The following PON3 variants were observed in gnomAD, a reference collection of about 807,000 sequenced individuals.
PON3 encodes the protein paraoxonase 3.
A neutral mutation model predicts 36.3 loss-of-function variants in PON3; 37 were observed. The ratio of observed to expected loss-of-function variants is 1.02; its 90% CI spans 0.78 to 1.34. The LOEUF is 1.34. Among genes scored for constraint, PON3 ranks in the 40% most tolerant of loss-of-function variants. The pLI, the probability that PON3 is intolerant of heterozygous loss-of-function variation, is 0.00. For synonymous variants in PON3, 155 were observed against 154.8 expected (o/e 1.00, Z -0.01); for missense variants, 415 against 426.5 (o/e 0.97, Z 0.24).
intron 6 of PON3, 48 bp downstream of exon 6, chr7:95,363,815 A>C: frequency 6.4e-7 from 1 of 1,555,716 alleles, no homozygotes; most frequent in Non-Finnish European, 8.9e-7. Flanking sequence ...AAAGGAGTCC[A>C]CGAAAATGTC....
chr7:95,396,314 C>A lies in PON3; in HGVS notation c.37G>T (p.Gly13Cys). Residue 13 changes from glycine (G) to cysteine (C), a missense_variant, in exon 1 of 9, where the codon GGC becomes TGC. Physicochemically the swap from Gly to Cys is radical, Grantham distance 159. Transcript: ENST00000265627. ...AACATCTCCCCGACTAAGGACAGGC[C>A]GACCCCCAGCAGGACCAGCGCCACG... ...KLVALVLLGV[G>C]LSLVGEMFLA... 3.7e-6 allele frequency: 6 copies of A among 1,613,976 alleles called. No homozygotes were observed. The highest frequency in any genetic ancestry group is 5.1e-6 in the Non-Finnish European group (6 of 1,179,974).
chr7:95,392,262 G>A (rs1169720213), intron 2 of PON3, among the ~76,000 whole-genome samples: 1 of 152,122 alleles, frequency 6.6e-6, no homozygotes, highest in Non-Finnish European at 1.5e-5. Flanking sequence ...GAAGTAACAT[G>A]GCATTTCTTT....
intron 8 of PON3, among the ~76,000 whole-genome samples, chr7:95,361,262 T>TA (rs1005546642): frequency 6.6e-6 from 1 of 152,018 alleles, no homozygotes; most frequent in Admixed American, 6.6e-5. Flanking sequence ...AATACATTAA[T>TA]AAAAAAAGAA....
intron 3 of PON3, among the ~76,000 whole-genome samples, chr7:95,376,630 T>C (rs1436527529): frequency 1.3e-5 from 2 of 150,184 alleles, no homozygotes; most frequent in African/African-American, 2.5e-5. Flanking sequence ...GAACTTTTAG[T>C]TCCAGTGAAA....
intron 4 of PON3, among the ~76,000 whole-genome samples, chr7:95,368,814 C>CA (rs11388951): frequency 0.48 from 64,252 of 132,954 alleles, 14,916 homozygotes; most frequent in East Asian, 0.69. Context: ...CAAAAACAAA[C>CA]AAAAAAAAAA....
rs1461161656 is a variant in PON3 at position 95,367,248 on chromosome 7, A to AAAATCAAAACAATTTC, written c.494+98_494+113dup. On this transcript the variant is annotated intron_variant, in intron 5 of 8. Coordinates refer to ENST00000265627, the MANE Select transcript of PON3 (RefSeq NM_000940.3). Reference sequence around the variant, plus strand: ...GGGAATCATTAGAAAGCTTTAGAAAAAAATCAAAACAATTTCAAAACAAAA... The same window carrying AAAATCAAAACAATTTC: ...GGGAATCATTAGAAAGCTTTAGAAAAAAATCAAAACAATTTCAAATCAAAACAATTTCAAAACAAAA... 7 of 1,362,824 alleles carry AAAATCAAAACAATTTC rather than the reference A, an allele frequency of 5.1e-6. 1 individual carries two copies. The African/African-American group carries it at 1.0e-4, about 20-fold the overall frequency. 84.4% of individuals were successfully genotyped at this position (1,362,824 alleles called of 1,614,324 possible).
At chr7:95,389,282 G>A (rs1809266611) in intron 3 of PON3, among the ~76,000 whole-genome samples, 1 of 152,112 alleles carries the variant, frequency 6.6e-6, no homozygotes. Context: ...CTATTCTACT[G>A]TGTGTACTTA....
chr7:95,386,085 A>G (rs1463276782), intron 3 of PON3, among the ~76,000 whole-genome samples: 1 of 152,234 alleles, frequency 6.6e-6, no homozygotes, highest in Non-Finnish European at 1.5e-5. Context: ...CAGAAGCAAG[A>G]GCAAACAAAT....
At chr7:95,368,995 T>TA (rs1808755313) in intron 4 of PON3, among the ~76,000 whole-genome samples, 1 of 152,172 alleles carries the variant, frequency 6.6e-6, no homozygotes, top group Admixed American at 6.5e-5. Flanking sequence ...ATTATTTAAA[T>TA]AGAGTCCTAA....
intron 1 of PON3, chr7:95,396,047 A>G (rs1424808561): frequency 1.7e-6 from 1 of 586,824 alleles, no homozygotes; most frequent in Non-Finnish European, 3.1e-6. Flanking sequence ...GGGGATCATA[A>G]CCTTCAAAAA....
chr7:95,389,901 C>T (rs1396011244), intron 3 of PON3, among the ~76,000 whole-genome samples: 3 of 152,166 alleles, frequency 2.0e-5, no homozygotes, highest in African/African-American at 7.2e-5. Context: ...GAAATCAATA[C>T]ACATTTATCA....
chr7:95,384,068 A>T (rs1263997369), intron 3 of PON3, among the ~76,000 whole-genome samples: 2 of 152,186 alleles, frequency 1.3e-5, no homozygotes, highest in African/African-American at 4.8e-5. Flanking sequence ...CAACTATCTG[A>T]TCTTTGACAA....
At chr7:95,382,623 A>C (rs190888284) in intron 3 of PON3, among the ~76,000 whole-genome samples, 1 of 152,108 alleles carries the variant, frequency 6.6e-6, no homozygotes, top group African/African-American at 2.4e-5. Flanking sequence ...TAAATTCCTC[A>C]ACACATACAC....
intron 8 of PON3, among the ~76,000 whole-genome samples, chr7:95,361,444 C>T (rs957071401): frequency 2.0e-5 from 3 of 152,094 alleles, no homozygotes; most frequent in African/African-American, 7.2e-5. Flanking sequence ...CTCAATGAGG[C>T]CTACTCTGAT....
At chr7:95,378,015 A>C (rs1808959315) in intron 3 of PON3, among the ~76,000 whole-genome samples, 1 of 152,208 alleles carries the variant, frequency 6.6e-6, no homozygotes, top group South Asian at 2.1e-4. Context: ...CCTTGAAAAA[A>C]GTGATACAAA....
chr7:95,375,070 C>T (rs1337362275), intron 3 of PON3, among the ~76,000 whole-genome samples: 2 of 152,070 alleles, frequency 1.3e-5, no homozygotes, highest in Admixed American at 6.6e-5. Flanking sequence ...ACTCTCCCCT[C>T]GAATCCATCC....
chr7:95,390,368 C>T (rs991340847), intron 2 of PON3, among the ~76,000 whole-genome samples, 159 bp from the exon 3 acceptor site: 1 of 152,222 alleles, frequency 6.6e-6, no homozygotes, highest in African/African-American at 2.4e-5. Context: ...GAGAATCTCA[C>T]AGGCATGCTA....
chr7:95,362,527 A>G (rs754412986), intron 7 of PON3, 37 bp from the exon 8 acceptor site: 2 of 1,612,694 alleles, frequency 1.2e-6, no homozygotes, highest in South Asian at 2.2e-5. Flanking sequence ...ACATTGTCTC[A>G]ATGATTCCTC....
chr7:95,370,736 T>C (rs1421988646), intron 4 of PON3, among the ~76,000 whole-genome samples: 1 of 152,214 alleles, frequency 6.6e-6, no homozygotes, highest in Non-Finnish European at 1.5e-5. Context: ...AAAAATAATA[T>C]TGGAAACTAT....
Sources: allele counts gnomAD v4.1 joint callset (sites outside exome capture counted in the v4.1 genomes callset), GRCh38; gene constraint gnomAD v4.1.1; transcripts MANE v1.5; gene names NCBI Gene and HGNC (gene_info 2026-07-23, HGNC 2026-07-21).